Variants in ERC2 observed in about 807,000 individuals in gnomAD.
ERC2 encodes ELKS/RAB6-interacting/CAST family member 2.
ERC2 carries 42 observed loss-of-function variants against 114.8 expected under a neutral mutation model. The observed-to-expected ratio is 0.37, with a 90% CI of 0.29 to 0.47. The LOEUF is 0.47. ERC2 is among the 20% of genes least tolerant of loss of function. The pLI, the probability that ERC2 is intolerant of heterozygous loss-of-function variation, is 0.99. For synonymous variants in ERC2, 454 were observed against 425.5 expected (o/e 1.07, Z -0.82); for missense variants, 939 against 1,150.7 (o/e 0.82, Z 2.66).
At chr3:55,813,455 A>T (rs1286162894) in intron 14 of ERC2, among the ~76,000 whole-genome samples, 1 of 152,210 alleles carries the variant, frequency 6.6e-6, no homozygotes, top group Non-Finnish European at 1.5e-5. Context: ...AATCAAGAAC[A>T]TAGCTCAGGT....
At position 55,514,042 on chromosome 3, in the gene ERC2, G is replaced by A. The variant is rs74977665; in HGVS notation, c.*40-2766C>T. On this transcript the variant is annotated intron_variant, in intron 17 of 17. Coordinates refer to ENST00000288221, the MANE Select transcript of ERC2 (RefSeq NM_015576.3). ...AGGGAGTGAGAACGTTTCAGACCAC[G>A]TTTACTATAAAGTTACCTTACAGAT... Among the ~76,000 whole-genome samples, 475 of 152,222 alleles carry A rather than the reference G, an allele frequency of 3.1e-3. 4 individuals carry two copies. Among genetic ancestry groups the A allele is most frequent in the African/African-American group, 0.011 (449 of 41,526 alleles).
intron 17 of ERC2, among the ~76,000 whole-genome samples, chr3:55,566,165 G>A (rs1354166183): frequency 2.6e-5 from 4 of 152,092 alleles, no homozygotes; most frequent in African/African-American, 9.7e-5. Flanking sequence ...TTCAAATCCT[G>A]GTTTCACCAC....
At chr3:56,121,021 G>A (rs7632901) in intron 6 of ERC2, among the ~76,000 whole-genome samples, 26,830 of 152,166 alleles carry the variant, frequency 0.18, 2,933 homozygotes, top group African/African-American at 0.3. Flanking sequence ...CATGCAGCTG[G>A]AAGAGCAGTG....
At chr3:56,328,344 T>C (rs568548232) in intron 2 of ERC2, among the ~76,000 whole-genome samples, 1 of 152,288 alleles carries the variant, frequency 6.6e-6, no homozygotes, top group African/African-American at 2.4e-5. Context: ...ACTCATCACC[T>C]TCCACAATTT....
intron 3 of ERC2, among the ~76,000 whole-genome samples, chr3:56,249,512 G>A (rs996795577): frequency 6.6e-6 from 1 of 152,004 alleles, no homozygotes; most frequent in Admixed American, 6.5e-5. Context: ...ATTTTTAGTA[G>A]AGACGGGGTT....
At chr3:55,581,379 T>C (rs2057253794) in intron 17 of ERC2, among the ~76,000 whole-genome samples, 1 of 152,194 alleles carries the variant, frequency 6.6e-6, no homozygotes, top group Admixed American at 6.5e-5. Flanking sequence ...GGTGAGTTTA[T>C]ATACTGTGCA....
At chr3:55,576,418 T>C (rs1192786702) in intron 17 of ERC2, among the ~76,000 whole-genome samples, 1 of 152,038 alleles carries the variant, frequency 6.6e-6, no homozygotes, top group African/African-American at 2.4e-5. Context: ...CCCAAAATAA[T>C]CCTTCAGGGG....
At chr3:55,655,238 A>G (rs199884989) in intron 17 of ERC2, among the ~76,000 whole-genome samples, 1 of 131,412 alleles carries the variant, frequency 7.6e-6, no homozygotes, top group East Asian at 2.4e-4. Context: ...TTGCCTTCCC[A>G]TTGCCTTATT....
chr3:55,981,170 G>A (rs181402978), intron 12 of ERC2, among the ~76,000 whole-genome samples: 5 of 152,314 alleles, frequency 3.3e-5, no homozygotes, highest in Admixed American at 1.3e-4. Flanking sequence ...GTCTGCAGGA[G>A]TTATAAATCA....
chr3:55,543,335 A>G (rs2054525807), intron 17 of ERC2, among the ~76,000 whole-genome samples: 2 of 152,206 alleles, frequency 1.3e-5, no homozygotes, highest in Admixed American at 1.3e-4. Flanking sequence ...TTAGACTAAT[A>G]GGAAGAAATA....
chr3:55,835,111 G>C (rs561629312), intron 14 of ERC2, among the ~76,000 whole-genome samples: 2 of 152,094 alleles, frequency 1.3e-5, no homozygotes, highest in East Asian at 3.9e-4. Context: ...ATAATCAATA[G>C]CTTACCAACA....
intron 7 of ERC2, among the ~76,000 whole-genome samples, chr3:56,062,504 G>A (rs187909240): frequency 6.6e-6 from 1 of 152,238 alleles, no homozygotes. Flanking sequence ...AATGAAGATG[G>A]ATTTGCACAA....
At chr3:55,976,426 C>CT (rs2069595931) in intron 12 of ERC2, among the ~76,000 whole-genome samples, 1 of 152,130 alleles carries the variant, frequency 6.6e-6, no homozygotes, top group Non-Finnish European at 1.5e-5. Context: ...CTCCGAATGC[C>CT]TTTTTTACAG....
intron 3 of ERC2, among the ~76,000 whole-genome samples, chr3:56,281,723 T>C (rs2054362637): frequency 6.6e-6 from 1 of 152,202 alleles, no homozygotes; most frequent in African/African-American, 2.4e-5. Flanking sequence ...TTAACATGTA[T>C]TACATTTAAG....
chr3:56,335,612 T>C (rs1010320499), intron 2 of ERC2, among the ~76,000 whole-genome samples: 1 of 152,188 alleles, frequency 6.6e-6, no homozygotes, highest in Middle Eastern at 3.2e-3. Context: ...TAATGGAGCT[T>C]GTAAATTTTA....
rs1457403858 is a variant in ERC2 at position 55,950,674 on chromosome 3, AG to A, written c.2268-115del. 2.7e-6 allele frequency: 3 copies of A among 1,123,996 alleles called. No homozygotes were observed. In the African/African-American group the frequency reaches 4.6e-5, roughly 17 times the overall value. The allele number at this position is 1,123,996 out of a possible 1,614,324, so 69.6% of individuals were successfully genotyped here. On this transcript the variant is annotated intron_variant, in intron 12 of 17. Transcript: ENST00000288221. ...CTATCTGGATAAGGGCTTGGGAAAA[AG>A]ATGATACTTCTGAATAATCCATTCA...
At chr3:55,717,488 G>A (rs2064191759) in intron 15 of ERC2, among the ~76,000 whole-genome samples, 1 of 152,136 alleles carries the variant, frequency 6.6e-6, no homozygotes, top group Non-Finnish European at 1.5e-5. Context: ...GCCTCTCTGG[G>A]GTCCAGGGAA....
At chr3:56,345,895 T>G (rs1229986395) in intron 2 of ERC2, among the ~76,000 whole-genome samples, 1 of 152,232 alleles carries the variant, frequency 6.6e-6, no homozygotes, top group African/African-American at 2.4e-5. Flanking sequence ...ACTGTGTTAC[T>G]TCATACCCCA....
chr3:55,561,662 G>T (rs1395892763), intron 17 of ERC2, among the ~76,000 whole-genome samples: 1 of 152,062 alleles, frequency 6.6e-6, no homozygotes, highest in Non-Finnish European at 1.5e-5. Flanking sequence ...GGTAGGCATG[G>T]TGGGCTACTC....
Sources: allele counts gnomAD v4.1 joint callset (sites outside exome capture counted in the v4.1 genomes callset), GRCh38; gene constraint gnomAD v4.1.1; transcripts MANE v1.5; gene names NCBI Gene and HGNC (gene_info 2026-07-23, HGNC 2026-07-21).